The following CCNY variants were observed in gnomAD, a reference collection of about 807,000 sequenced individuals.
CCNY encodes the protein cyclin Y.
In CCNY, 19 loss-of-function variants were observed where a neutral mutation model predicts 42.8. The ratio of observed to expected loss-of-function variants is 0.44; its 90% CI spans 0.31 to 0.65. CCNY has a LOEUF of 0.65. Ranked by LOEUF, CCNY falls within the 30% of genes least tolerant of loss-of-function variation. The pLI, the probability that CCNY is intolerant of heterozygous loss-of-function variation, is 0.07. For missense variants in CCNY, 370 were observed against 437.3 expected (o/e 0.85, Z 1.37); for synonymous variants, 165 against 162.7 (o/e 1.01, Z -0.11).
chr10:35,277,074 G>A (rs1835247905), intron 3 of CCNY, among the ~76,000 whole-genome samples: 1 of 152,214 alleles, frequency 6.6e-6, no homozygotes, highest in Admixed American at 6.5e-5. Flanking sequence ...GCAGGACTCA[G>A]CCAGATTCTG....
intron 3 of CCNY, among the ~76,000 whole-genome samples, chr10:35,289,710 C>G (rs1206091950): frequency 6.7e-6 from 1 of 150,158 alleles, no homozygotes; most frequent in Non-Finnish European, 1.5e-5. Context: ...CCAGACTCTA[C>G]TAAAAATACA....
intron 5 of CCNY, among the ~76,000 whole-genome samples, chr10:35,529,692 G>C (rs574166686): frequency 9.6e-5 from 14 of 145,230 alleles, no homozygotes; most frequent in Non-Finnish European, 1.8e-4. Context: ...GTGAAACCTT[G>C]TCTCTACTAA....
At chr10:35,345,425 C>T (rs969143425) in intron 1 of CCNY, among the ~76,000 whole-genome samples, 11 of 149,608 alleles carry the variant, frequency 7.4e-5, no homozygotes, top group African/African-American at 1.7e-4. Context: ...ACCGAGGTAG[C>T]GCCACTGCAC....
intron 8 of CCNY, among the ~76,000 whole-genome samples, chr10:35,561,530 C>T (rs1203832543): frequency 2.6e-5 from 4 of 152,156 alleles, no homozygotes; most frequent in South Asian, 2.1e-4. Context: ...GCAAACAACC[C>T]GAGCTCTCCC....
chr10:35,398,670 C>G (rs1837577568), intron 1 of CCNY, among the ~76,000 whole-genome samples: 2 of 152,106 alleles, frequency 1.3e-5, no homozygotes, highest in African/African-American at 4.8e-5. Context: ...GGGGCTCTCC[C>G]TGCATTTTAC....
At chr10:35,477,251 A>T (rs1189628360) in intron 1 of CCNY, among the ~76,000 whole-genome samples, 9 of 152,218 alleles carry the variant, frequency 5.9e-5, no homozygotes, top group African/African-American at 2.2e-4. Flanking sequence ...GATTCCAATC[A>T]ATAGAAAAAG....
intron 3 of CCNY, chr10:35,315,417 T>C (rs1430264089): frequency 6.6e-6 from 1 of 152,206 alleles, no homozygotes; most frequent in Non-Finnish European, 1.5e-5. Flanking sequence ...TCCAGCTCCA[T>C]TCATGTTCCT....
At chr10:35,472,685 G>A (rs189963143) in intron 1 of CCNY, among the ~76,000 whole-genome samples, 7 of 152,264 alleles carry the variant, frequency 4.6e-5, no homozygotes, top group African/African-American at 1.4e-4. Flanking sequence ...GACATCTAAT[G>A]AAATGCTAAT....
At chr10:35,503,524 C>G (rs1840153880) in intron 3 of CCNY, among the ~76,000 whole-genome samples, 2 of 152,150 alleles carry the variant, frequency 1.3e-5, no homozygotes, top group African/African-American at 4.8e-5. Flanking sequence ...CCTGCAGATT[C>G]AATTAGGCTA....
chr10:35,307,547 C>T (rs994875685), intron 3 of CCNY, among the ~76,000 whole-genome samples: 7 of 152,060 alleles, frequency 4.6e-5, no homozygotes, highest in Non-Finnish European at 8.8e-5. Flanking sequence ...TTGCCAATCA[C>T]GTTTTGCTAA....
At chr10:35,332,995 C>A (rs921458660), upstream of CCNY, among the ~76,000 whole-genome samples, 3 of 152,124 alleles carry the variant, frequency 2.0e-5, no homozygotes, top group Non-Finnish European at 4.4e-5. Context: ...CCAAATGATT[C>A]TTTCTGCTCA....
chr10:35,422,520 G>A (rs1264491207), intron 1 of CCNY, among the ~76,000 whole-genome samples: 1 of 152,162 alleles, frequency 6.6e-6, no homozygotes, highest in Non-Finnish European at 1.5e-5. Flanking sequence ...CAAGGTACTT[G>A]ACACATAAAG....
At chr10:35,467,348 C>A (rs1839290645) in intron 1 of CCNY, among the ~76,000 whole-genome samples, 1 of 151,806 alleles carries the variant, frequency 6.6e-6, no homozygotes, top group Non-Finnish European at 1.5e-5. Context: ...CAGTGAATAC[C>A]CTGTTGGCCT....
intron 3 of CCNY, among the ~76,000 whole-genome samples, chr10:35,507,060 C>G (rs564070083): frequency 7.3e-4 from 111 of 152,326 alleles, no homozygotes; most frequent in African/African-American, 2.0e-3. Context: ...CTACTTGTCA[C>G]TTCATTGCTC....
At chr10:35,342,354 A>G (rs778168155) in intron 1 of CCNY, among the ~76,000 whole-genome samples, 11 of 152,214 alleles carry the variant, frequency 7.2e-5, no homozygotes, top group Non-Finnish European at 1.2e-4. Context: ...CCAGGCTAAG[A>G]CTTATCAGCC....
intron 2 of CCNY, among the ~76,000 whole-genome samples, chr10:35,495,076 A>G (rs866273790): frequency 6.6e-6 from 1 of 152,194 alleles, no homozygotes; most frequent in African/African-American, 2.4e-5. Flanking sequence ...GAATTTCAAA[A>G]TCTGATAAAA....
intron 1 of CCNY, among the ~76,000 whole-genome samples, chr10:35,432,958 G>A (rs999886923): frequency 3.9e-5 from 6 of 152,172 alleles, no homozygotes; most frequent in Non-Finnish European, 7.4e-5. Flanking sequence ...TTTTGAACTA[G>A]ACTAACGTGC....
At chr10:35,402,348 T>C (rs1837662697) in intron 1 of CCNY, among the ~76,000 whole-genome samples, 1 of 152,172 alleles carries the variant, frequency 6.6e-6, no homozygotes, top group Admixed American at 6.5e-5. Context: ...ATTAAAGGAC[T>C]AAGAATTGGG....
chr10:35,569,858 T>C lies in CCNY; in HGVS notation c.*688T>C, dbSNP rs931984913. 6.5e-6 allele frequency: 1 copy of C among 152,898 alleles called. No individual in the cohort carries two copies. Among genetic ancestry groups the C allele is most frequent in the Non-Finnish European group, 1.5e-5 (1 of 68,134 alleles). The allele number at this position is 152,898 out of a possible 1,614,324, so 9.5% of individuals were successfully genotyped here. A position where few individuals can be genotyped will look rare whatever the true frequency, so the allele number is the denominator to read the frequency against. On this transcript the variant is annotated 3_prime_UTR_variant, in exon 10 of 10. Coordinates refer to ENST00000374704, the MANE Select transcript of CCNY (RefSeq NM_145012.6). ...TCAACAATGGCGAAATTGACTGTAG[T>C]GCTGAACCAAAAGTATCCCTTTCCC...
Sources: allele counts gnomAD v4.1 joint callset (sites outside exome capture counted in the v4.1 genomes callset), GRCh38; gene constraint gnomAD v4.1.1; transcripts MANE v1.5; gene names NCBI Gene and HGNC (gene_info 2026-07-23, HGNC 2026-07-21).